Variants in SCAF8 observed in about 807,000 individuals in gnomAD.
The protein encoded by SCAF8 is SR-related CTD associated factor 8.
SCAF8 carries 23 observed loss-of-function variants against 140.5 expected under a neutral mutation model. The observed-to-expected ratio is 0.16, with a 90% CI of 0.12 to 0.23. The LOEUF (loss-of-function observed/expected upper bound fraction) is 0.23. Among genes scored for constraint, SCAF8 ranks in the 10% least tolerant of loss-of-function variants. The pLI is 1.00. For synonymous variants in SCAF8, 575 were observed against 528.9 expected, an observed-to-expected ratio of 1.09 and a Z score of -1.20; for missense variants, 1,397 against 1,555.7, an observed-to-expected ratio of 0.90 and a Z score of 1.72.
intron 1 of SCAF8, among the ~76,000 whole-genome samples, chr6:154,761,253 G>C (rs1380524465): frequency 6.6e-6 from 1 of 152,160 alleles, no homozygotes; most frequent in Admixed American, 6.5e-5. Context: ...TTGGGAGGCT[G>C]AGCCAAGCAG....
Position 154,833,729 on chromosome 6 carries a change from G to A in SCAF8, c.*334G>A. The A allele has an allele frequency of 4.9e-6, 1 of 203,238 alleles. No homozygotes were observed. The highest frequency in any genetic ancestry group is 1.0e-4 in the South Asian group (1 of 9,550). 12.6% of individuals were successfully genotyped at this position (203,238 alleles called of 1,614,324 possible). A position where few individuals can be genotyped will look rare whatever the true frequency, so the allele number is the denominator to read the frequency against. On this transcript the variant is annotated 3_prime_UTR_variant, in exon 20 of 20. Coordinates refer to ENST00000367178, the MANE Select transcript of SCAF8 (RefSeq NM_014892.5). ...TAGATACTATCATTAGGTTGGATAT[G>A]GTAATAGATATATTTCAGAATAGCA...
intron 1 of SCAF8, among the ~76,000 whole-genome samples, chr6:154,741,163 T>C (rs1778558582): frequency 2.0e-5 from 3 of 152,202 alleles, no homozygotes; most frequent in Admixed American, 2.0e-4. Flanking sequence ...GAAGTTTTTT[T>C]CTTACATTAA....
At chr6:154,822,454 TTTC>T in intron 16 of SCAF8, 45 bp downstream of exon 16, 7 of 1,558,642 alleles carry the variant, frequency 4.5e-6, no homozygotes, top group Non-Finnish European at 6.1e-6. Flanking sequence ...TTGTTTTACA[TTTC>T]TGTTTTTAAT....
chr6:154,831,093 C>T lies in SCAF8; in HGVS notation c.2312C>T (p.Pro771Leu), dbSNP rs1403850338. The T allele has an allele frequency of 6.8e-6, 11 of 1,613,428 alleles. No individual in the cohort carries two copies. Among genetic ancestry groups the T allele is most frequent in the African/African-American group, 1.3e-5 (1 of 74,890 alleles). ...CAGGCAGAGCCTGAAGAAAAAGTAC[C>T]TCATCTTATAGACCACCAGATTTCT... ...TKQAEPEEKV[P>L]HLIDHQISSG... is the part of the protein sequence containing the mutation. The change falls in exon 19 of 20, where the codon CCT (proline) becomes CTT (leucine). Residue 771 changes from proline to leucine, a missense_variant. By Grantham distance (98) the Pro-to-Leu change is moderately conservative. Transcript: ENST00000367178.
chr6:154,738,934 C>T (rs1458912122), intron 1 of SCAF8, among the ~76,000 whole-genome samples: 1 of 152,110 alleles, frequency 6.6e-6, no homozygotes, highest in East Asian at 1.9e-4. Flanking sequence ...GAGACAGTGG[C>T]AGTGCATGAC....
intron 9 of SCAF8, among the ~76,000 whole-genome samples, chr6:154,806,762 C>CT (rs1032634626): frequency 1.6e-4 from 25 of 151,720 alleles, no homozygotes; most frequent in African/African-American, 2.4e-4. Context: ...AATTTCATAC[C>CT]TTTTTTTTGA....
chr6:154,822,488 C>T, intron 16 of SCAF8, 79 bp downstream of exon 16: 2 of 1,379,694 alleles, frequency 1.4e-6, no homozygotes, highest in Non-Finnish European at 2.0e-6. Context: ...CTTTATAAAA[C>T]CGGAATGAAA....
intron 2 of SCAF8, 128 bp downstream of exon 2, chr6:154,774,200 AAC>A (rs2114846570): frequency 3.0e-6 from 2 of 662,896 alleles, no homozygotes; most frequent in Non-Finnish European, 2.6e-6. Flanking sequence ...ATTGTGGAAA[AAC>A]ACAAAAAAGA....
intron 3 of SCAF8, among the ~76,000 whole-genome samples, chr6:154,782,090 A>T (rs560132174): frequency 6.6e-6 from 1 of 152,332 alleles, no homozygotes; most frequent in Non-Finnish European, 1.5e-5. Context: ...TTTGCCAAAA[A>T]TCAGTTCATA....
At chr6:154,809,203 A>G (rs1268057615) in intron 11 of SCAF8, among the ~76,000 whole-genome samples, 1 of 152,216 alleles carries the variant, frequency 6.6e-6, no homozygotes, top group Non-Finnish European at 1.5e-5. Context: ...ATAAACATTA[A>G]CTGTAATACC....
chr6:154,832,076 A>C lies in SCAF8; in HGVS notation c.2497A>C (p.Asn833His). The C allele has an allele frequency of 2.5e-6, 4 of 1,614,138 alleles. No individual in the cohort carries two copies. The highest frequency in any genetic ancestry group is 3.4e-6 in the Non-Finnish European group (4 of 1,179,990). Residue 833 changes from asparagine to histidine, a missense_variant, in exon 20 of 20, where the codon AAT becomes CAT. Transcript: ENST00000367178. ...NSEILGVRPSNVSSSSGIIAA... is the reference protein window; with the variant it reads ...NSEILGVRPSHVSSSSGIIAA... ...TGAAATTCTTGGGGTCCGGCCATCT[A>C]ATGTTTCCAGTAGTTCTGGGATTAT...
At chr6:154,824,442 C>T in intron 17 of SCAF8, 64 bp downstream of exon 17, 5 of 1,435,814 alleles carry the variant, frequency 3.5e-6, no homozygotes, top group South Asian at 1.2e-5. Context: ...GTGTTTCTTC[C>T]AGATTTAAGT....
chr6:154,798,931 C>G (rs1227356070), intron 6 of SCAF8, among the ~76,000 whole-genome samples: 1 of 151,240 alleles, frequency 6.6e-6, no homozygotes, highest in African/African-American at 2.4e-5. Flanking sequence ...TCCCAAGTAG[C>G]TGGGACTACA....
At chr6:154,797,080 C>T (rs1777629229) in intron 6 of SCAF8, among the ~76,000 whole-genome samples, 1 of 151,434 alleles carries the variant, frequency 6.6e-6, no homozygotes, top group South Asian at 2.1e-4. Flanking sequence ...TATTTGTATT[C>T]ACTTACGCTA....
In SCAF8 at chr6:154,833,109, G is replaced by T; in HGVS notation, c.3530G>T (p.Arg1177Leu). ...FDFCREMNGN[R>L]LGRDRIQNTW... The stretch of plus-strand genomic sequence containing the variant: ...TTCTGCAGAGAAATGAATGGAAATC[G>T]TCTTGGACGAGACAGAATTCAAAAC... Residue 1177 changes from arginine (R) to leucine (L), a missense_variant, in exon 20 of 20, where the codon CGT becomes CTT. Arg to Leu is a moderately radical substitution (Grantham distance 102, BLOSUM62 -2). This residue lies in a region of SCAF8 where 930 missense variants were observed against 874.6 expected (regional missense o/e 1.06). Coordinates refer to ENST00000367178, the MANE Select transcript of SCAF8 (RefSeq NM_014892.5). 1 of 1,614,112 alleles carries T rather than the reference G, an allele frequency of 6.2e-7. No individual in the cohort carries two copies. The highest frequency in any genetic ancestry group is 8.5e-7 in the Non-Finnish European group (1 of 1,179,994).
At chr6:154,794,741 T>G in intron 5 of SCAF8, among the ~76,000 whole-genome samples, 2 of 107,078 alleles carry the variant, frequency 1.9e-5, no homozygotes, top group Non-Finnish European at 3.5e-5. Flanking sequence ...GAGGACAAAT[T>G]TGGACAGATC....
At chr6:154,761,904 C>T (rs1260113185) in intron 1 of SCAF8, among the ~76,000 whole-genome samples, 1 of 152,120 alleles carries the variant, frequency 6.6e-6, no homozygotes, top group African/African-American at 2.4e-5. Flanking sequence ...CCCATTTTAT[C>T]AGCAAAATCA....
chr6:154,810,884 A>G (rs1334314245), intron 12 of SCAF8, among the ~76,000 whole-genome samples: 1 of 152,100 alleles, frequency 6.6e-6, no homozygotes, highest in East Asian at 1.9e-4. Flanking sequence ...AAATCGAACA[A>G]ATTGTCATTC....
At chr6:154,743,430 A>G (rs140616522) in intron 1 of SCAF8, among the ~76,000 whole-genome samples, 45 of 152,348 alleles carry the variant, frequency 3.0e-4, no homozygotes, top group African/African-American at 9.6e-4. Flanking sequence ...TTAAAAAGCA[A>G]CTATTCTTAA....
Sources: gnomAD v4.1 joint callset for allele counts (sites outside exome capture counted in the v4.1 genomes callset) on GRCh38, gnomAD v4.1.1 for gene constraint, gnomAD v4.1.1 regional missense constraint, MANE v1.5 for transcripts, NCBI Gene and HGNC (gene_info 2026-07-23, HGNC 2026-07-21) for gene names.